HDAC4: variants seen among roughly 807,000 people sequenced by gnomAD.
HDAC4 encodes the protein histone deacetylase 4.
A neutral mutation model predicts 135.1 loss-of-function variants in HDAC4; 16 were observed. The ratio of observed to expected loss-of-function variants is 0.12; its 90% CI spans 0.08 to 0.18. The LOEUF (loss-of-function observed/expected upper bound fraction) is 0.18, where lower values mean the gene tolerates loss of function less well. Among genes scored for constraint, HDAC4 ranks in the 10% least tolerant of loss-of-function variants. The pLI, the probability that HDAC4 is intolerant of heterozygous loss-of-function variation, is 1.00. For synonymous variants in HDAC4, 685 were observed against 653.4 expected (o/e 1.05, Z -0.74); for missense variants, 1,143 against 1,511.8 (o/e 0.76, Z 4.05).
chr2:239,233,779 C>G lies in HDAC4; in HGVS notation c.94+2814G>C, dbSNP rs2056537. Among the ~76,000 whole-genome samples, 15 of 152,322 alleles carry G rather than the reference C, an allele frequency of 9.8e-5. No homozygotes were observed. The East Asian group carries it at 2.9e-3, about 29-fold the overall frequency. On this transcript the variant is annotated intron_variant, in intron 3 of 26. Transcript: ENST00000543185. ...GGGCTGCCCGGGCGCCCTTCCTGCT[C>G]CAAGTACACACTCATCTGTTCAAAG...
chr2:239,134,935 T>C (rs1310984189), intron 9 of HDAC4, among the ~76,000 whole-genome samples: 1 of 152,234 alleles, frequency 6.6e-6, no homozygotes, highest in Non-Finnish European at 1.5e-5. Context: ...CACAGAACAG[T>C]TAGAAGGAAA....
chr2:239,337,027 G>C (rs989196431), intron 2 of HDAC4, among the ~76,000 whole-genome samples: 1 of 152,196 alleles, frequency 6.6e-6, no homozygotes, highest in Non-Finnish European at 1.5e-5. Context: ...GTGTCTACTG[G>C]AATTTGTCTG....
chr2:239,055,716 C>CAAA (rs201658364), intron 24 of HDAC4, among the ~76,000 whole-genome samples: 19 of 71,088 alleles, frequency 2.7e-4, no homozygotes, highest in African/African-American at 6.9e-4. Context: ...GACCCTGTCT[C>CAAA]AAAAAAAAAA....
intron 3 of HDAC4, among the ~76,000 whole-genome samples, chr2:239,232,423 C>T (rs1010698243): frequency 3.3e-5 from 5 of 152,234 alleles, no homozygotes; most frequent in Admixed American, 3.3e-4. Flanking sequence ...TTTGCTCACT[C>T]CATGGGAAAA....
intron 2 of HDAC4, among the ~76,000 whole-genome samples, chr2:239,297,548 G>C (rs1016305973): frequency 6.6e-6 from 1 of 152,198 alleles, no homozygotes; most frequent in Non-Finnish European, 1.5e-5. Flanking sequence ...GCTGTGCTGC[G>C]GTTTCCTTAA....
chr2:239,067,688 C>T (rs368736505), intron 23 of HDAC4, among the ~76,000 whole-genome samples: 1 of 152,246 alleles, frequency 6.6e-6, no homozygotes, highest in East Asian at 1.9e-4. Context: ...GTGGGAGGCC[C>T]CAGGGGAGCA....
chr2:239,095,280 G>C (rs931786628), intron 16 of HDAC4, among the ~76,000 whole-genome samples: 1 of 95,008 alleles, frequency 1.1e-5, no homozygotes, highest in Admixed American at 1.3e-4. Context: ...CACAGACCCT[G>C]GTGGGGACAC....
chr2:239,062,764 C>G (rs111387061), intron 24 of HDAC4, among the ~76,000 whole-genome samples: 1 of 152,238 alleles, frequency 6.6e-6, no homozygotes, highest in East Asian at 1.9e-4. Context: ...TCCAGCCTGT[C>G]GCTGGCCAGC....
At position 239,285,160 on chromosome 2, in the gene HDAC4, A is replaced by T. The variant is rs1360680012; in HGVS notation, c.23-48496T>A. Among the ~76,000 whole-genome samples, 2 of 152,210 alleles carry T rather than the reference A, an allele frequency of 1.3e-5. No individual in the cohort carries two copies. The highest frequency in any genetic ancestry group is 1.5e-5 in the Non-Finnish European group (1 of 68,028). Reference sequence around the variant, plus strand: ...AAAGTTCAAAGTTCAAAGACTGCAGATGGTACAGAGAAAGCGTTACACAGT... The same window carrying T: ...AAAGTTCAAAGTTCAAAGACTGCAGTTGGTACAGAGAAAGCGTTACACAGT... On this transcript the variant is annotated intron_variant, in intron 2 of 26. Coordinates refer to ENST00000543185, the MANE Select transcript of HDAC4 (RefSeq NM_001378414.1). The surrounding 1 kb of genome is among the most constrained non-coding windows in gnomAD (Gnocchi z 4.5).
rs2043208848 is a variant in HDAC4 at position 239,167,913 on chromosome 2, A to G, written c.491-3990T>C. ...CCGAGACCTAAGGAATGAGCGAGCA[A>G]CAGCTGAGCGGGGCAGAGAGAGGAG... On this transcript the variant is annotated intron_variant, in intron 5 of 26. Coordinates refer to ENST00000543185, the MANE Select transcript of HDAC4 (RefSeq NM_001378414.1). This position sits in a 1 kb window ranked among gnomAD's most constrained non-coding sequence, Gnocchi z 4.1. Among the ~76,000 whole-genome samples, 1 of 140,990 alleles carries G rather than the reference A, an allele frequency of 7.1e-6. No homozygotes were observed. Among genetic ancestry groups the G allele is most frequent in the Non-Finnish European group, 1.5e-5 (1 of 64,518 alleles). 92.5% of individuals were successfully genotyped at this position (140,990 alleles called of 152,430 possible).
At chr2:239,173,696 GTA>G (rs372067403) in intron 5 of HDAC4, among the ~76,000 whole-genome samples, 111 of 152,250 alleles carry the variant, frequency 7.3e-4, no homozygotes, top group African/African-American at 2.5e-3. Context: ...GACATAAAAG[GTA>G]TTCCAATCAG....
At chr2:239,343,182 A>C (rs1362587529) in intron 2 of HDAC4, among the ~76,000 whole-genome samples, 4 of 152,172 alleles carry the variant, frequency 2.6e-5, no homozygotes, top group African/African-American at 9.7e-5. Flanking sequence ...TTTTGTCTTA[A>C]TTTTAATTTC....
chr2:239,145,538 G>T (rs1293739774), intron 7 of HDAC4, among the ~76,000 whole-genome samples: 1 of 152,230 alleles, frequency 6.6e-6, no homozygotes, highest in Non-Finnish European at 1.5e-5. Flanking sequence ...GCAGCGACCG[G>T]AGTCAAAGAA....
intron 3 of HDAC4, among the ~76,000 whole-genome samples, chr2:239,229,497 T>C (rs567153956): frequency 1.1e-4 from 16 of 152,334 alleles, no homozygotes; most frequent in Admixed American, 3.9e-4. Context: ...TGTAAAATAG[T>C]TGAAGAGGTT....
chr2:239,115,097 G>T lies in HDAC4; in HGVS notation c.1747C>A (p.Pro583Thr). The change falls in exon 13 of 27, where the codon CCG becomes ACG. Residue 583 changes from proline to threonine, a missense_variant. Physicochemically the swap from Pro to Thr is conservative, Grantham distance 38. Around this residue, in one of 9 missense-constraint regions of HDAC4, gnomAD observed 196 missense variants for 210.7 expected, o/e 0.93. Coordinates refer to ENST00000543185, the MANE Select transcript of HDAC4 (RefSeq NM_001378414.1). The surrounding 1 kb of genome is among the most constrained non-coding windows in gnomAD (Gnocchi z 6.3). ...TGCTCACTGGGCTGGCGCTGGCCCG[G>T]CTCCACCTCCCGTGGGGGCTCTGCC... The part of the protein sequence containing the change: ...EEAEPPREVE[P>T]GQRQPSEQEL... 1.2e-6 allele frequency: 2 copies of T among 1,611,552 alleles called. No individual in the cohort carries two copies. The highest frequency in any genetic ancestry group is 1.1e-5 in the South Asian group (1 of 91,084).
At chr2:239,149,334 A>G (rs2041960800) in intron 7 of HDAC4, among the ~76,000 whole-genome samples, 1 of 151,972 alleles carries the variant, frequency 6.6e-6, no homozygotes, top group Admixed American at 6.6e-5. Flanking sequence ...CAGGAGGCGG[A>G]GGTTGTCTCA....
At chr2:239,089,625 T>C (rs2036307427) in intron 18 of HDAC4, 1 of 182,628 alleles carries the variant, frequency 5.5e-6, no homozygotes, top group Non-Finnish European at 1.2e-5. Context: ...CTGTGCCCGG[T>C]CGCTATTTTT....
Position 239,051,367 on chromosome 2 carries a change from GAA to G in HDAC4, c.*1728_*1729del, listed in dbSNP as rs2030819139. The G allele has an allele frequency of 6.6e-6, 1 of 151,974 alleles. No individual in the cohort carries two copies. Among genetic ancestry groups the G allele is most frequent in the African/African-American group, 2.4e-5 (1 of 41,368 alleles). 9.4% of individuals were successfully genotyped at this position (151,974 alleles called of 1,614,324 possible). On this transcript the variant is annotated 3_prime_UTR_variant, in exon 27 of 27. Transcript: ENST00000543185. Reference sequence around the variant, plus strand: ...GACAGCAACAATTCTGTACGCTGCAGAAAACTCATCGTACAAAAATAAAAACA... The same window carrying G: ...GACAGCAACAATTCTGTACGCTGCAGAACTCATCGTACAAAAATAAAAACA...
At chr2:239,064,461 C>A (rs1022697579) in intron 24 of HDAC4, among the ~76,000 whole-genome samples, 1 of 152,014 alleles carries the variant, frequency 6.6e-6, no homozygotes, top group Non-Finnish European at 1.5e-5. Context: ...CCACCTCCGC[C>A]GTCTCTGATG....
Sources: allele counts gnomAD v4.1 joint callset (sites outside exome capture counted in the v4.1 genomes callset), GRCh38; gene constraint gnomAD v4.1.1; regional missense constraint gnomAD v4.1.1; non-coding constraint Gnocchi (gnomAD v3.1); transcripts MANE v1.5; gene names NCBI Gene and HGNC (gene_info 2026-07-23, HGNC 2026-07-21).